ASCC3: variants seen among roughly 807,000 people sequenced by gnomAD.
The protein encoded by ASCC3 is ASC-1 complex subunit P200.
Under a neutral mutation model 256.3 loss-of-function variants are expected in ASCC3, and 158 were observed. The ratio of observed to expected loss-of-function variants is 0.62; its 90% CI spans 0.54 to 0.70. The LOEUF is 0.70. Ranked by LOEUF, ASCC3 falls within the 30% of genes least tolerant of loss-of-function variation. The probability of loss-of-function intolerance (pLI) is 0.00; values close to 1 mark genes in which losing one functional copy is unlikely to be tolerated. For missense variants in ASCC3, 2,259 were observed against 2,626.0 expected, an observed-to-expected ratio of 0.86 and a Z score of 3.05; for synonymous variants, 948 against 883.4, an observed-to-expected ratio of 1.07 and a Z score of -1.30.
intron 8 of ASCC3, among the ~76,000 whole-genome samples, chr6:100,789,500 TATTAAGTATA>T (rs1465914035): frequency 1.3e-5 from 2 of 152,132 alleles, no homozygotes; most frequent in African/African-American, 4.8e-5. Context: ...CCCAGATGAC[TATTAAGTATA>T]AGCAAACCTG....
Position 100,540,295 on chromosome 6 carries a change from A to C in ASCC3, c.5643T>G (p.Pro1881=), listed in dbSNP as rs1464818260. The stretch of plus-strand genomic sequence containing the variant: ...TGGTGTGAGGGCTGTCAAATGAATG[A>C]GGATTTGATTCAATGGGAAGACATT... ...LAKCLPIESN[P]HSFDSPHTKA... is the part of the protein sequence containing the mutation. The change falls in exon 37 of 42, where the codon CCT becomes CCG. Residue 1881 remains proline (P), a synonymous_variant. Coordinates refer to ENST00000369162, the MANE Select transcript of ASCC3 (RefSeq NM_006828.4). 2 of 1,613,840 alleles carry C rather than the reference A, an allele frequency of 1.2e-6. No individual in the cohort carries two copies. Among genetic ancestry groups the C allele is most frequent in the Non-Finnish European group, 1.7e-6 (2 of 1,179,956 alleles).
chr6:100,765,513 C>G (rs1290285986), intron 10 of ASCC3, among the ~76,000 whole-genome samples: 1 of 152,200 alleles, frequency 6.6e-6, no homozygotes, highest in Non-Finnish European at 1.5e-5. Context: ...AACCGCCAAT[C>G]AGAAAATCTA....
At chr6:100,858,868 C>T in intron 3 of ASCC3, 1 of 478,076 alleles carries the variant, frequency 2.1e-6, no homozygotes, top group Non-Finnish European at 3.6e-6. Context: ...TAATTTTTTT[C>T]TGATTCAAGA....
chr6:100,870,195 AAATGCATATTTTTAAAAATGCATTTTT>A (rs1773667830), intron 1 of ASCC3, among the ~76,000 whole-genome samples: 1 of 149,528 alleles, frequency 6.7e-6, no homozygotes, highest in African/African-American at 2.5e-5. Flanking sequence ...TGATTTTAAA[AAATGCATATTTTTAAAAATGCATTTTT>A]AATGCATTTT....
At chr6:100,674,674 C>T (rs1296206767) in intron 14 of ASCC3, among the ~76,000 whole-genome samples, 2 of 150,256 alleles carry the variant, frequency 1.3e-5, no homozygotes, top group Middle Eastern at 3.2e-3. Context: ...CCTCTGTCAC[C>T]CAGGCTGGAG....
chr6:100,530,214 G>C (rs977321783), intron 37 of ASCC3: 2 of 738,690 alleles, frequency 2.7e-6, no homozygotes, highest in African/African-American at 1.8e-5. Flanking sequence ...TAGTCTTTAA[G>C]AATATTGCTG....
chr6:100,794,438 A>C (rs1317314568), intron 8 of ASCC3, among the ~76,000 whole-genome samples: 1 of 152,064 alleles, frequency 6.6e-6, no homozygotes, highest in South Asian at 2.1e-4. Flanking sequence ...TCTATCTGGC[A>C]AAAGTGTATG....
chr6:100,656,467 T>C (rs1775920788), intron 16 of ASCC3, among the ~76,000 whole-genome samples: 1 of 151,548 alleles, frequency 6.6e-6, no homozygotes, highest in Non-Finnish European at 1.5e-5. Flanking sequence ...AGGGAGTGGT[T>C]TTTATTTATC....
chr6:100,729,829 T>C (rs1779816911), intron 10 of ASCC3, among the ~76,000 whole-genome samples: 1 of 152,208 alleles, frequency 6.6e-6, no homozygotes, highest in Admixed American at 6.6e-5. Flanking sequence ...TTGAAATTTT[T>C]AGTACTTAGA....
intron 36 of ASCC3, among the ~76,000 whole-genome samples, chr6:100,560,796 C>T (rs1033438905): frequency 1.3e-5 from 2 of 151,472 alleles, no homozygotes; most frequent in Non-Finnish European, 2.9e-5. Context: ...CACACACGCA[C>T]ACATAACAGG....
rs767896747 is a variant in ASCC3, at chr6:100,540,171, C to A, written c.5767G>T (p.Val1923Leu). 6.8e-6 allele frequency: 11 copies of A among 1,613,016 alleles called. No homozygotes were observed. The highest frequency in any genetic ancestry group is 5.1e-6 in the Non-Finnish European group (6 of 1,179,148). The change falls in exon 37 of 42, where the codon GTA (valine) becomes TTA (leucine). Residue 1923 changes from valine to leucine, a missense_variant. Physicochemically the swap from Val to Leu is conservative, Grantham distance 32 (BLOSUM62 1). Around this residue, in one of 2 missense-constraint regions of ASCC3, gnomAD observed 1,839 missense variants for 2,206.7 expected, o/e 0.83. Transcript: ENST00000369162. ...TKTVLDQALRVCQAMLDVAAN... is the reference protein window; with the variant it reads ...TKTVLDQALRLCQAMLDVAAN... ...AGAAATGACTTTCATACCTGACATACTCTGAGAGCTTGGTCCAAGACTGTT... is the reference window on the plus strand; with the variant it reads ...AGAAATGACTTTCATACCTGACATAATCTGAGAGCTTGGTCCAAGACTGTT...
At chr6:100,693,624 G>A (rs1777940334) in intron 13 of ASCC3, among the ~76,000 whole-genome samples, 1 of 152,118 alleles carries the variant, frequency 6.6e-6, no homozygotes, top group East Asian at 1.9e-4. Flanking sequence ...AGGGAAAACT[G>A]CTGATTTGCT....
intron 13 of ASCC3, among the ~76,000 whole-genome samples, chr6:100,694,116 T>C (rs754273496): frequency 2.6e-5 from 4 of 151,916 alleles, no homozygotes; most frequent in African/African-American, 9.7e-5. Context: ...AATCTCATCA[T>C]CCCTTTCATT....
intron 30 of ASCC3, among the ~76,000 whole-genome samples, chr6:100,622,313 G>A (rs575633380): frequency 2.6e-5 from 4 of 152,178 alleles, no homozygotes; most frequent in East Asian, 1.9e-4. Flanking sequence ...CCGTTTCCCC[G>A]ATGCTGTTGT....
At chr6:100,786,811 C>T (rs1025734353) in intron 8 of ASCC3, among the ~76,000 whole-genome samples, 1 of 152,106 alleles carries the variant, frequency 6.6e-6, no homozygotes, top group Non-Finnish European at 1.5e-5. Flanking sequence ...AACCGCACTT[C>T]AGATGATATA....
intron 10 of ASCC3, among the ~76,000 whole-genome samples, chr6:100,747,506 T>A (rs890550074): frequency 1.7e-4 from 26 of 152,062 alleles, no homozygotes; most frequent in Non-Finnish European, 3.4e-4. Context: ...ATTAAAGGGA[T>A]AAACAATCCA....
intron 8 of ASCC3, among the ~76,000 whole-genome samples, chr6:100,795,471 C>T (rs536001723): frequency 1.8e-4 from 27 of 152,176 alleles, no homozygotes; most frequent in Admixed American, 4.6e-4. Flanking sequence ...AAGCTGGGCA[C>T]ATAGGCAGCT....
Position 100,799,511 on chromosome 6 carries a change from C to G in ASCC3, c.1189G>C (p.Val397Leu). The G allele has an allele frequency of 6.2e-7, 1 of 1,613,038 alleles. No individual in the cohort carries two copies. Among genetic ancestry groups the G allele is most frequent in the Middle Eastern group, 1.7e-4 (1 of 6,052 alleles). The change falls in exon 7 of 42, where the codon GTT (valine) becomes CTT (leucine). Residue 397 changes from valine to leucine, a missense_variant. By Grantham distance (32) the Val-to-Leu change is conservative. This residue lies in a region of ASCC3 where 1,839 missense variants were observed against 2,206.7 expected (regional missense o/e 0.83). Coordinates refer to ENST00000369162, the MANE Select transcript of ASCC3 (RefSeq NM_006828.4). ...ACATGGGGATAATGTATTTTTTCAA[C>G]GTCTGCATCTCTCTGCCTGCTCAGA... ...PILSRQRDAD[V>L]EKIHYPHVYD...
At chr6:100,524,164 T>C (rs73500923) in intron 37 of ASCC3, among the ~76,000 whole-genome samples, 6,230 of 152,202 alleles carry the variant, frequency 0.041, 446 homozygotes, top group African/African-American at 0.14. Context: ...TTACACTGTA[T>C]TCTATTACGT....
Sources: gnomAD v4.1 joint callset for allele counts (sites outside exome capture counted in the v4.1 genomes callset) on GRCh38, gnomAD v4.1.1 for gene constraint, gnomAD v4.1.1 regional missense constraint, MANE v1.5 for transcripts, NCBI Gene and HGNC (gene_info 2026-07-23, HGNC 2026-07-21) for gene names.